Variants in ABCC5 observed in about 807,000 individuals in gnomAD.
ABCC5 encodes the protein ATP-binding cassette sub-family C member 5.
A neutral mutation model predicts 160.9 loss-of-function variants in ABCC5; 61 were observed. That is an observed-to-expected ratio of 0.38 (90% confidence interval 0.31 to 0.47). The LOEUF is 0.47. Ranked by LOEUF, ABCC5 falls within the 20% of genes least tolerant of loss-of-function variation. ABCC5 has a pLI of 0.99. For missense variants in ABCC5, 1,308 were observed against 1,813.3 expected, an observed-to-expected ratio of 0.72 and a Z score of 5.06; for synonymous variants, 666 against 700.6, an observed-to-expected ratio of 0.95 and a Z score of 0.78.
chr3:183,957,301 T>G (rs1441503525), intron 17 of ABCC5, among the ~76,000 whole-genome samples: 1 of 109,764 alleles, frequency 9.1e-6, no homozygotes, highest in East Asian at 3.7e-4. Flanking sequence ...TACATGCGGA[T>G]CCGTGTGTAA....
In ABCC5 at chr3:183,927,205, G is replaced by T. The variant is rs977297592; in HGVS notation, c.4047+125C>A. The T allele has an allele frequency of 2.8e-5, 26 of 913,898 alleles. No homozygotes were observed. In the African/African-American group the frequency reaches 3.5e-4, roughly 12 times the overall value. The allele number at this position is 913,898 out of a possible 1,614,324, so 56.6% of individuals were successfully genotyped here. On this transcript the variant is annotated intron_variant, in intron 28 of 29. Coordinates refer to ENST00000334444, the MANE Select transcript of ABCC5 (RefSeq NM_005688.4). ...TGTGTCAGGGTTAGAGTTATCTCTG[G>T]TCATGCTCTTAGAAAGTGCCAACAG...
intron 25 of ABCC5, among the ~76,000 whole-genome samples, chr3:183,940,613 C>G (rs146356450): frequency 3.3e-5 from 5 of 151,954 alleles, no homozygotes; most frequent in African/African-American, 1.2e-4. Context: ...GAATGGTGCC[C>G]GAAACAATGG....
At chr3:183,923,881 G>C (rs13317532) in intron 29 of ABCC5, among the ~76,000 whole-genome samples, 94,412 of 151,940 alleles carry the variant, frequency 0.62, 30,103 homozygotes, top group East Asian at 0.84. Flanking sequence ...CTGAACCTGC[G>C]CTATTTAACC....
At chr3:183,926,238 C>T (rs1712543220) in intron 28 of ABCC5, among the ~76,000 whole-genome samples, 1 of 148,838 alleles carries the variant, frequency 6.7e-6, no homozygotes, top group Non-Finnish European at 1.5e-5. Flanking sequence ...GCCTTGATTT[C>T]CAAAACAGCA....
intron 23 of ABCC5, 54 bp from the exon 24 acceptor site, chr3:183,945,993 G>T: frequency 6.6e-7 from 1 of 1,513,156 alleles, no homozygotes; most frequent in Non-Finnish European, 9.2e-7. Flanking sequence ...TACACGCCAG[G>T]CCAATGCTGG....
In ABCC5 at chr3:183,990,366, A is replaced by C. The variant is rs751825900; in HGVS notation, c.130-983T>G. On this transcript the variant is annotated intron_variant, in intron 2 of 29. Transcript: ENST00000334444. ...GTGATCCGCCCACCTCAGCCTCCCA[A>C]AGTGTTGGGATTATAGGTGTGAGCT... Among the ~76,000 whole-genome samples the C allele has an allele frequency of 3.6e-4, 54 of 152,074 alleles. 1 individual carries two copies. Among genetic ancestry groups the C allele is most frequent in the Non-Finnish European group, 1.3e-4 (9 of 68,014 alleles).
Position 183,951,746 on chromosome 3 carries a change from G to A in ABCC5, c.2814+111C>T. ...CGGAATATGAGTCATCTCAGCCAGG[G>A]CCATCCTGGTTAAGGGAGCTCCCCT... is the stretch of plus-strand genomic sequence containing the variant. On this transcript the variant is annotated intron_variant, in intron 19 of 29. Coordinates refer to ENST00000334444, the MANE Select transcript of ABCC5 (RefSeq NM_005688.4). This position sits in a 1 kb window ranked among gnomAD's most constrained non-coding sequence, Gnocchi z 4.7. The A allele has an allele frequency of 6.7e-7, 1 of 1,490,608 alleles. No individual in the cohort carries two copies. Among genetic ancestry groups the A allele is most frequent in the Non-Finnish European group, 9.1e-7 (1 of 1,098,742 alleles). 92.3% of individuals were successfully genotyped at this position (1,490,608 alleles called of 1,614,324 possible).
chr3:183,963,250 G>T lies in ABCC5; in HGVS notation c.2235+135C>A. 1.2e-6 allele frequency: 1 copy of T among 865,290 alleles called. No homozygotes were observed. The highest frequency in any genetic ancestry group is 1.8e-6 in the Non-Finnish European group (1 of 542,720). 53.6% of individuals were successfully genotyped at this position (865,290 alleles called of 1,614,324 possible). A position where few individuals can be genotyped will look rare whatever the true frequency, so the allele number is the denominator to read the frequency against. ...ACAGTGAGCTTTATTGGTACAGGGG[G>T]CTAATTTGCTAAGAAAATGAAACCT... On this transcript the variant is annotated intron_variant, in intron 15 of 29. Transcript: ENST00000334444. The surrounding 1 kb of genome is among the most constrained non-coding windows in gnomAD (Gnocchi z 4.6).
At chr3:183,961,404 A>G (rs1716720354) in intron 16 of ABCC5, 107 bp downstream of exon 16, 18 of 1,397,112 alleles carry the variant, frequency 1.3e-5, no homozygotes, top group Non-Finnish European at 1.7e-5. Context: ...GCCCCTGCCA[A>G]TAAGACACAG....
chr3:184,015,403 G>A (rs2108939494), intron 1 of ABCC5, among the ~76,000 whole-genome samples: 1 of 152,262 alleles, frequency 6.6e-6, no homozygotes, highest in East Asian at 1.9e-4. Context: ...TTTCATACTA[G>A]CCTCCAACGG....
intron 10 of ABCC5, among the ~76,000 whole-genome samples, chr3:183,974,549 T>G (rs1718050175): frequency 1.3e-5 from 2 of 152,132 alleles, no homozygotes; most frequent in African/African-American, 4.8e-5. Context: ...CCTCAAGAGA[T>G]CCACCTGCTC....
intron 1 of ABCC5, among the ~76,000 whole-genome samples, chr3:184,016,049 A>C (rs1322077951): frequency 6.6e-6 from 1 of 152,220 alleles, no homozygotes; most frequent in African/African-American, 2.4e-5. Context: ...CAAGAAGAAC[A>C]CGAACATAAT....
At chr3:183,925,849 T>G in intron 28 of ABCC5, 130 bp from the exon 29 acceptor site, 1 of 1,089,376 alleles carries the variant, frequency 9.2e-7, no homozygotes, top group South Asian at 1.8e-5. Context: ...TCTTTTTTTT[T>G]TTTTTTTGAG....
At chr3:183,955,238 T>C (rs912018288) in intron 17 of ABCC5, among the ~76,000 whole-genome samples, 1 of 152,220 alleles carries the variant, frequency 6.6e-6, no homozygotes, top group African/African-American at 2.4e-5. Context: ...TTTCAAAATA[T>C]GCATTTCTTC....
chr3:183,945,714 G>C (rs1442548741), intron 24 of ABCC5, 136 bp downstream of exon 24: 2 of 722,932 alleles, frequency 2.8e-6, no homozygotes, highest in Non-Finnish European at 5.0e-6. Flanking sequence ...GCACGGTTGA[G>C]AGATTGCTGG....
At chr3:184,004,737 C>T (rs1378987854) in intron 2 of ABCC5, among the ~76,000 whole-genome samples, 1 of 152,012 alleles carries the variant, frequency 6.6e-6, no homozygotes, top group Non-Finnish European at 1.5e-5. Flanking sequence ...TTTAAGAAAA[C>T]TAAGTGACTG....
At chr3:183,940,177 G>A (rs1195999294) in intron 25 of ABCC5, among the ~76,000 whole-genome samples, 1 of 152,050 alleles carries the variant, frequency 6.6e-6, no homozygotes, top group Non-Finnish European at 1.5e-5. Flanking sequence ...GGTCCGTCTA[G>A]CAGGATAGTT....
chr3:183,942,525 G>T lies in ABCC5; in HGVS notation c.3694+202C>A, dbSNP rs1424430440. The T allele has an allele frequency of 4.2e-6, 3 of 716,388 alleles. No individual in the cohort carries two copies. The African/African-American group carries it at 5.2e-5, about 12-fold the overall frequency. The allele number at this position is 716,388 out of a possible 1,614,324, so 44.4% of individuals were successfully genotyped here. A position where few individuals can be genotyped will look rare whatever the true frequency, so the allele number is the denominator to read the frequency against. On this transcript the variant is annotated intron_variant, in intron 25 of 29. Coordinates refer to ENST00000334444, the MANE Select transcript of ABCC5 (RefSeq NM_005688.4). ...TGTGTGCCCCAGTGTTCTGCATTGA[G>T]AATGTGCACATTTATGACTGTGAAA...
intron 28 of ABCC5, among the ~76,000 whole-genome samples, chr3:183,926,113 C>T (rs1438470648): frequency 6.9e-6 from 1 of 145,518 alleles, no homozygotes; most frequent in East Asian, 2.1e-4. Flanking sequence ...GCTGGGATTA[C>T]AGGCTTGAGC....
Sources: gnomAD v4.1 joint callset for allele counts (sites outside exome capture counted in the v4.1 genomes callset) on GRCh38, gnomAD v4.1.1 for gene constraint, Gnocchi (gnomAD v3.1) non-coding constraint, MANE v1.5 for transcripts, NCBI Gene and HGNC (gene_info 2026-07-23, HGNC 2026-07-21) for gene names.